DLC1: variants seen among roughly 807,000 people sequenced by gnomAD.
DLC1 encodes rho GTPase-activating protein 7.
A neutral mutation model predicts 140.3 loss-of-function variants in DLC1; 54 were observed. That is an observed-to-expected ratio of 0.38 (90% confidence interval 0.31 to 0.48). DLC1 has a LOEUF of 0.48. DLC1 is among the 20% of genes least tolerant of loss of function. The pLI, the probability that DLC1 is intolerant of heterozygous loss-of-function variation, is 0.96. For synonymous variants in DLC1, 986 were observed against 728.1 expected (o/e 1.35, Z -5.70); for missense variants, 2,536 against 1,907.0 (o/e 1.33, Z -6.14).
At chr8:13,351,899 C>T (rs1281734129) in intron 4 of DLC1, among the ~76,000 whole-genome samples, 1 of 152,056 alleles carries the variant, frequency 6.6e-6, no homozygotes, top group East Asian at 1.9e-4. Context: ...AATAACATAT[C>T]CATTAATGCA....
intron 5 of DLC1, among the ~76,000 whole-genome samples, chr8:13,180,265 T>C (rs370305244): frequency 1.3e-5 from 2 of 152,346 alleles, no homozygotes; most frequent in African/African-American, 2.4e-5. Context: ...CCATTACTTA[T>C]GAAGTTTTAT....
intron 2 of DLC1, among the ~76,000 whole-genome samples, chr8:13,420,491 T>C (rs973756860): frequency 6.6e-6 from 1 of 152,142 alleles, no homozygotes; most frequent in Non-Finnish European, 1.5e-5. Flanking sequence ...GCTGCACCTA[T>C]CAACCCGTCA....
chr8:13,148,146 G>T (rs1358950829), intron 5 of DLC1, among the ~76,000 whole-genome samples: 1 of 151,884 alleles, frequency 6.6e-6, no homozygotes, highest in Admixed American at 6.6e-5. Flanking sequence ...TAGGTCTGGG[G>T]TACATGTGCA....
intron 5 of DLC1, among the ~76,000 whole-genome samples, chr8:13,201,893 C>T (rs1270170410): frequency 1.3e-5 from 2 of 148,842 alleles, no homozygotes; most frequent in East Asian, 1.9e-4. Flanking sequence ...TATTTTCTCC[C>T]CCAGGTACTA....
chr8:13,197,680 C>T (rs1827151331), intron 5 of DLC1, among the ~76,000 whole-genome samples: 1 of 151,726 alleles, frequency 6.6e-6, no homozygotes, highest in African/African-American at 2.4e-5. Context: ...AAAATTATTG[C>T]TTAACAAATA....
chr8:13,307,926 C>T (rs954210397), intron 4 of DLC1, among the ~76,000 whole-genome samples: 1 of 152,146 alleles, frequency 6.6e-6, no homozygotes, highest in African/African-American at 2.4e-5. Flanking sequence ...TTGGATTGGT[C>T]TTATGATAAG....
intron 2 of DLC1, among the ~76,000 whole-genome samples, chr8:13,465,592 T>G (rs1426873681): frequency 6.6e-6 from 1 of 152,186 alleles, no homozygotes; most frequent in Non-Finnish European, 1.5e-5. Context: ...TATTTGTATT[T>G]TTTTATTGTT....
chr8:13,457,767 A>G (rs992068027), intron 2 of DLC1, among the ~76,000 whole-genome samples: 3 of 151,304 alleles, frequency 2.0e-5, no homozygotes, highest in Admixed American at 6.6e-5. Context: ...GATGCAATTT[A>G]GCAGCCCTGA....
chr8:13,541,554 T>A (rs1803483941), intron 1 of DLC1, among the ~76,000 whole-genome samples: 1 of 152,128 alleles, frequency 6.6e-6, no homozygotes, highest in Admixed American at 6.5e-5. Flanking sequence ...TTTTTATGGA[T>A]TTATTTATTT....
intron 4 of DLC1, among the ~76,000 whole-genome samples, chr8:13,391,098 A>G (rs1315948467): frequency 6.6e-6 from 1 of 152,164 alleles, no homozygotes; most frequent in Non-Finnish European, 1.5e-5. Flanking sequence ...ATGGTGGAGT[A>G]TTTCTTTCTG....
At chr8:13,274,835 G>A (rs1015687624) in intron 5 of DLC1, among the ~76,000 whole-genome samples, 7 of 152,218 alleles carry the variant, frequency 4.6e-5, no homozygotes, top group East Asian at 1.9e-4. Context: ...TTCATTTGCG[G>A]CATTGTTTAT....
intron 5 of DLC1, among the ~76,000 whole-genome samples, chr8:13,222,278 A>C (rs1392073223): frequency 6.6e-6 from 1 of 152,118 alleles, no homozygotes. Context: ...CACATTTTCA[A>C]TTCCTTCAGA....
chr8:13,511,930 A>G (rs184776068), intron 1 of DLC1, among the ~76,000 whole-genome samples: 79 of 152,288 alleles, frequency 5.2e-4, no homozygotes, highest in South Asian at 3.5e-3. Context: ...TAAGATCTAA[A>G]ACTCTATGAA....
At chr8:13,142,402 A>C (rs900529981) in intron 5 of DLC1, among the ~76,000 whole-genome samples, 1 of 152,190 alleles carries the variant, frequency 6.6e-6, no homozygotes, top group Non-Finnish European at 1.5e-5. Flanking sequence ...GTCATCTTTT[A>C]GACGGTTAAC....
intron 5 of DLC1, among the ~76,000 whole-genome samples, chr8:13,178,955 C>A (rs1825895512): frequency 6.6e-6 from 1 of 152,056 alleles, no homozygotes; most frequent in South Asian, 2.1e-4. Context: ...GATTTGTTCA[C>A]CAAAAGACAT....
chr8:13,253,982 T>C (rs1458011291), intron 5 of DLC1, among the ~76,000 whole-genome samples: 1 of 152,122 alleles, frequency 6.6e-6, no homozygotes, highest in Non-Finnish European at 1.5e-5. Flanking sequence ...TGGGTGAATG[T>C]GGTCTCTTTT....
At chr8:13,253,431 ATG>A (rs3065442) in intron 5 of DLC1, among the ~76,000 whole-genome samples, 23 of 149,700 alleles carry the variant, frequency 1.5e-4, no homozygotes, top group South Asian at 6.3e-4. Context: ...AATACATATT[ATG>A]TGTGTGTGTG....
At chr8:13,396,184 C>T (rs541705904) in intron 3 of DLC1, among the ~76,000 whole-genome samples, 9 of 151,584 alleles carry the variant, frequency 5.9e-5, no homozygotes, top group South Asian at 2.1e-4. Context: ...CTCGGCCTCC[C>T]GAGTAGCTGG....
chr8:13,179,061 T>C (rs932469605), intron 5 of DLC1, among the ~76,000 whole-genome samples: 3 of 152,190 alleles, frequency 2.0e-5, no homozygotes, highest in African/African-American at 7.2e-5. Flanking sequence ...TAAATTGTAG[T>C]AGAGCAATGC....
Sources: allele counts gnomAD v4.1 joint callset (sites outside exome capture counted in the v4.1 genomes callset), GRCh38; gene constraint gnomAD v4.1.1; transcripts MANE v1.5; gene names NCBI Gene and HGNC (gene_info 2026-07-23, HGNC 2026-07-21).